The following TLN2 variants were observed in gnomAD, a reference collection of about 807,000 sequenced individuals.
The protein encoded by TLN2 is talin 2.
In TLN2, 118 loss-of-function variants were observed where a neutral mutation model predicts 294.7. The ratio of observed to expected loss-of-function variants is 0.40; its 90% CI spans 0.34 to 0.47. TLN2 has a LOEUF of 0.47. TLN2 is among the 20% of genes least tolerant of loss of function. The pLI is 0.84. For synonymous variants in TLN2, 1,431 were observed against 1,304.5 expected, an observed-to-expected ratio of 1.10 and a Z score of -2.09; for missense variants, 3,083 against 3,282.2, an observed-to-expected ratio of 0.94 and a Z score of 1.48.
At chr15:62,601,852 G>T (rs537664011) in intron 2 of TLN2, among the ~76,000 whole-genome samples, 1 of 152,044 alleles carries the variant, frequency 6.6e-6, no homozygotes, top group Non-Finnish European at 1.5e-5. Context: ...TAATTGATGC[G>T]TTTCAATTTA....
chr15:62,735,023 C>T (rs1182486749), intron 28 of TLN2, among the ~76,000 whole-genome samples: 6 of 152,166 alleles, frequency 3.9e-5, no homozygotes, highest in Non-Finnish European at 5.9e-5. Flanking sequence ...CACTGATTTG[C>T]GTATTTTTCA....
At position 62,690,667 on chromosome 15, in the gene TLN2, G is replaced by A. The variant is rs1323085585; in HGVS notation, c.1114-2173G>A. 2.0e-5 allele frequency among the ~76,000 whole-genome samples: 3 copies of A among 148,418 alleles called. 1 individual carries two copies. The highest frequency in any genetic ancestry group is 7.9e-5 in the African/African-American group (3 of 37,992). Reference sequence around the variant, plus strand: ...TTTGGGAGGCCAAGGCGGGCAGCTGGGAGGTGGATGTTGTAGCGAGCCGAG... The same window carrying A: ...TTTGGGAGGCCAAGGCGGGCAGCTGAGAGGTGGATGTTGTAGCGAGCCGAG... On this transcript the variant is annotated intron_variant, in intron 12 of 58. Coordinates refer to ENST00000636159, the MANE Select transcript of TLN2 (RefSeq NM_015059.3).
chr15:62,437,764 T>A (rs1367820708), intron 1 of TLN2, among the ~76,000 whole-genome samples: 1 of 151,970 alleles, frequency 6.6e-6, no homozygotes, highest in Non-Finnish European at 1.5e-5. Context: ...TGTGTGTGTG[T>A]GTGTGTGTGT....
intron 3 of TLN2, among the ~76,000 whole-genome samples, chr15:62,641,666 A>C (rs373053362): frequency 2.1e-4 from 2 of 9,424 alleles, no homozygotes; most frequent in African/African-American, 2.8e-4. Flanking sequence ...GCCCTTACCT[A>C]AGCCTTTTCT....
intron 1 of TLN2, among the ~76,000 whole-genome samples, chr15:62,539,978 A>C (rs1240590709): frequency 1.3e-5 from 2 of 152,082 alleles, no homozygotes; most frequent in Non-Finnish European, 2.9e-5. Context: ...GATGCATGTA[A>C]ATACTTACAC....
chr15:62,408,134 G>A (rs2033533107), intron 1 of TLN2, among the ~76,000 whole-genome samples: 1 of 152,022 alleles, frequency 6.6e-6, no homozygotes, highest in African/African-American at 2.4e-5. Flanking sequence ...TGAACTTTCT[G>A]TGCTACACAG....
chr15:62,762,217 G>A lies in TLN2; in HGVS notation c.4780-55G>A, dbSNP rs866457361. 5.0e-6 allele frequency: 8 copies of A among 1,598,066 alleles called. No homozygotes were observed. The Admixed American group carries it at 5.0e-5, about 10-fold the overall frequency. ...AAGAACAGGACCTTTCAGGGCCCAC[G>A]TCATTCACTCATGTCTTCGACCCTG... On this transcript the variant is annotated intron_variant, in intron 38 of 58. Transcript: ENST00000636159.
chr15:62,627,713 G>A (rs4238365), intron 3 of TLN2, among the ~76,000 whole-genome samples: 130,277 of 152,214 alleles, frequency 0.86, 56,541 homozygotes, highest in East Asian at 0.95. Flanking sequence ...TTATTATGCC[G>A]TTACATCATT....
chr15:62,696,763 T>A (rs921254120), intron 14 of TLN2, among the ~76,000 whole-genome samples: 3 of 152,206 alleles, frequency 2.0e-5, no homozygotes, highest in African/African-American at 7.2e-5. Flanking sequence ...TTAAGAATCT[T>A]CCCAATATTT....
intron 5 of TLN2, 110 bp downstream of exon 5, chr15:62,650,291 T>A: frequency 1.9e-6 from 2 of 1,078,154 alleles, no homozygotes; most frequent in Non-Finnish European, 2.7e-6. Context: ...TATTAATAGT[T>A]CGATGCATTG....
At chr15:62,669,866 C>G (rs188221561) in intron 9 of TLN2, among the ~76,000 whole-genome samples, 6 of 152,180 alleles carry the variant, frequency 3.9e-5, no homozygotes, top group African/African-American at 1.4e-4. Context: ...CACACATGCA[C>G]ACACTATTCA....
At chr15:62,564,835 G>A (rs1478010403) in intron 1 of TLN2, among the ~76,000 whole-genome samples, 1 of 150,380 alleles carries the variant, frequency 6.6e-6, no homozygotes, top group African/African-American at 2.5e-5. Context: ...TGAACCCCGG[G>A]AGGTGGAGGT....
At chr15:62,677,738 TA>T (rs1194730638) in intron 11 of TLN2, among the ~76,000 whole-genome samples, 10 of 147,694 alleles carry the variant, frequency 6.8e-5, no homozygotes, top group Admixed American at 4.7e-4. Context: ...TCTTTCTCTT[TA>T]TTTTTTTTTA....
At chr15:62,738,689 C>T (rs776104871) in intron 30 of TLN2, among the ~76,000 whole-genome samples, 5 of 152,116 alleles carry the variant, frequency 3.3e-5, no homozygotes, top group Non-Finnish European at 5.9e-5. Flanking sequence ...AGCGAGTAGT[C>T]TGAGGAATTT....
chr15:62,755,208 T>C (rs2062168087), intron 36 of TLN2: 1 of 221,410 alleles, frequency 4.5e-6, no homozygotes, highest in Non-Finnish European at 8.8e-6. Context: ...TGTGTAGACC[T>C]TGGTCTAGAT....
rs116680039 is a variant in TLN2, at chr15:62,462,333, C to T, written c.-238+71648C>T. Among the ~76,000 whole-genome samples, 1,265 of 152,296 alleles carry T rather than the reference C, an allele frequency of 8.3e-3. 20 individuals carry two copies. Among genetic ancestry groups the T allele is most frequent in the African/African-American group, 0.028 (1,156 of 41,564 alleles). ...GTGTGGGCTGCTTCACAGAAGCCCC[C>T]AGGAGAGGACCAGGAAACATGTACT... On this transcript the variant is annotated intron_variant, in intron 1 of 58. Transcript: ENST00000636159.
At chr15:62,716,072 G>C (rs566336401) in intron 22 of TLN2, among the ~76,000 whole-genome samples, 1 of 152,310 alleles carries the variant, frequency 6.6e-6, no homozygotes, top group East Asian at 1.9e-4. Context: ...AGGTTAATTT[G>C]TATGGACAAC....
rs191526821 is a variant in TLN2, at chr15:62,707,041, G to A, written c.2005-45G>A. 6,668 of 1,558,784 alleles carry A rather than the reference G, an allele frequency of 4.3e-3. 33 individuals are homozygous for A. Among genetic ancestry groups the A allele is most frequent in the Non-Finnish European group, 4.1e-3 (4,666 of 1,144,978 alleles). On this transcript the variant is annotated intron_variant, in intron 19 of 58. Coordinates refer to ENST00000636159, the MANE Select transcript of TLN2 (RefSeq NM_015059.3). ...CGTTTATTTTCAGGCTGTGAAAGGT[G>A]ATTAGAGAAAAATAAATGAATAGTC...
At chr15:62,486,662 C>G (rs1391643067) in intron 1 of TLN2, among the ~76,000 whole-genome samples, 1 of 151,950 alleles carries the variant, frequency 6.6e-6, no homozygotes, top group Non-Finnish European at 1.5e-5. Context: ...GTCATTTTGC[C>G]TCATTACTGG....
Sources: gnomAD v4.1 joint callset for allele counts (sites outside exome capture counted in the v4.1 genomes callset) on GRCh38, gnomAD v4.1.1 for gene constraint, MANE v1.5 for transcripts, NCBI Gene and HGNC (gene_info 2026-07-23, HGNC 2026-07-21) for gene names.